TMPRSS11A: variants seen among roughly 807,000 people sequenced by gnomAD.
The protein encoded by TMPRSS11A is transmembrane serine protease 11A.
In TMPRSS11A, 53 loss-of-function variants were observed where a neutral mutation model predicts 58.9. The observed-to-expected ratio is 0.90, with a 90% confidence interval of 0.72 to 1.13. The LOEUF (loss-of-function observed/expected upper bound fraction) is 1.13, where lower values mean the gene tolerates loss of function less well. TMPRSS11A is among the 50% of genes most tolerant of loss of function. TMPRSS11A has a pLI of 0.00. For synonymous variants in TMPRSS11A, 167 were observed against 169.8 expected, an observed-to-expected ratio of 0.98 and a Z score of 0.13; for missense variants, 493 against 499.3, an observed-to-expected ratio of 0.99 and a Z score of 0.12.
At chr4:67,914,809 T>C in intron 8 of TMPRSS11A, 79 bp from the exon 9 acceptor site, 1 of 1,238,720 alleles carries the variant, frequency 8.1e-7, no homozygotes, top group Non-Finnish European at 1.1e-6. Flanking sequence ...TTTCCTAATA[T>C]TTTTTTCATG....
intron 1 of TMPRSS11A, among the ~76,000 whole-genome samples, chr4:67,947,381 G>A (rs149737358): frequency 5.9e-5 from 9 of 152,170 alleles, no homozygotes; most frequent in Admixed American, 3.9e-4. Flanking sequence ...TAATCTAAAA[G>A]AGTCCTGCTT....
chr4:67,958,564 T>C (rs778397680), intron 1 of TMPRSS11A, among the ~76,000 whole-genome samples: 1 of 152,236 alleles, frequency 6.6e-6, no homozygotes, highest in Non-Finnish European at 1.5e-5. Context: ...CCCTCTGTTG[T>C]ATCTAGGAAG....
At position 67,944,348 on chromosome 4, in the gene TMPRSS11A, T is replaced by C. The variant is rs1173789911; in HGVS notation, c.252+171A>G. Among the ~76,000 whole-genome samples, 6 of 152,116 alleles carry C rather than the reference T, an allele frequency of 3.9e-5. No individual in the cohort carries two copies. The East Asian group carries it at 1.2e-3, about 29-fold the overall frequency. On this transcript the variant is annotated intron_variant, in intron 3 of 9. Transcript: ENST00000508048. ...ATTCCCTTACTCTCCTCTCCCCACCTACCCATCTCATCATACTCTGATTAA... is the reference window on the plus strand; with the variant it reads ...ATTCCCTTACTCTCCTCTCCCCACCCACCCATCTCATCATACTCTGATTAA...
At position 67,942,607 on chromosome 4, in the gene TMPRSS11A, C is replaced by A. The variant is rs538663559; in HGVS notation, c.252+1912G>T. 7.9e-5 allele frequency among the ~76,000 whole-genome samples: 12 copies of A among 152,302 alleles called. No homozygotes were observed. The South Asian group carries it at 2.5e-3, about 32-fold the overall frequency. ...ACTAAGTGTTGGTTAGATGTGGGGA[C>A]ATAGAAATCCTCATGCATTGTAGAT... On this transcript the variant is annotated intron_variant, in intron 3 of 9. Transcript: ENST00000508048.
At chr4:67,941,081 A>C (rs1271123775) in intron 3 of TMPRSS11A, among the ~76,000 whole-genome samples, 2 of 152,166 alleles carry the variant, frequency 1.3e-5, no homozygotes, top group African/African-American at 2.4e-5. Context: ...CTGCTCCACT[A>C]TCTCAGGGAA....
At chr4:67,941,926 C>T (rs113619546) in intron 3 of TMPRSS11A, among the ~76,000 whole-genome samples, 7 of 152,082 alleles carry the variant, frequency 4.6e-5, no homozygotes, top group African/African-American at 1.7e-4. Flanking sequence ...CAACACGGTC[C>T]ATATTAGTAG....
chr4:67,958,717 G>A (rs1051067375), intron 1 of TMPRSS11A, among the ~76,000 whole-genome samples: 1 of 152,178 alleles, frequency 6.6e-6, no homozygotes, highest in Non-Finnish European at 1.5e-5. Flanking sequence ...GTTTTAAAAT[G>A]TGAGTACATG....
chr4:67,917,231 T>C (rs1720182942), intron 8 of TMPRSS11A, among the ~76,000 whole-genome samples: 1 of 152,118 alleles, frequency 6.6e-6, no homozygotes, highest in African/African-American at 2.4e-5. Flanking sequence ...TTTGATATCT[T>C]TCCTTATAAT....
chr4:67,939,209 G>A (rs952958726), intron 3 of TMPRSS11A, among the ~76,000 whole-genome samples: 1 of 151,908 alleles, frequency 6.6e-6, no homozygotes, highest in Admixed American at 6.6e-5. Flanking sequence ...TCTTGATTTG[G>A]TTCTCAGCTT....
At chr4:67,953,649 T>C (rs1209764346) in intron 1 of TMPRSS11A, among the ~76,000 whole-genome samples, 1 of 152,042 alleles carries the variant, frequency 6.6e-6, no homozygotes, top group African/African-American at 2.4e-5. Flanking sequence ...AAATACAAAA[T>C]TAGCTGAGTG....
At chr4:67,944,663 A>G (rs1720960022) in intron 2 of TMPRSS11A, 26 bp from the exon 3 acceptor site, 4 of 1,601,562 alleles carry the variant, frequency 2.5e-6, no homozygotes, top group African/African-American at 2.7e-5. Flanking sequence ...AAAATAGGAA[A>G]CTAAATGGTT....
rs1333862702 is a variant in TMPRSS11A, at chr4:67,924,160, C to A, written c.488G>T (p.Ser163Ile). ...GACAGTTAACTCCCCTGTTGATGAG[C>A]TCATTGCTGAAAAAGAAGATAAAAC... ...NASSVQVNAM[S>I]SSTGELTVQA... Residue 163 changes from serine to isoleucine, a missense_variant, in exon 6 of 10, where the codon AGC (serine) becomes ATC (isoleucine). Coordinates refer to ENST00000508048, the MANE Select transcript of TMPRSS11A (RefSeq NM_001114387.2). 1.2e-6 allele frequency: 2 copies of A among 1,613,320 alleles called. No homozygotes were observed. The highest frequency in any genetic ancestry group is 4.5e-5 in the East Asian group (2 of 44,782).
intron 1 of TMPRSS11A, among the ~76,000 whole-genome samples, chr4:67,961,819 C>G (rs976980812): frequency 2.0e-5 from 3 of 151,986 alleles, no homozygotes; most frequent in African/African-American, 7.2e-5. Context: ...AGCCTGTTTC[C>G]TTTATCAGCA....
chr4:67,918,987 G>A lies in TMPRSS11A; in HGVS notation c.938C>T (p.Ala313Val), dbSNP rs368463399. The A allele has an allele frequency of 1.9e-5, 31 of 1,614,108 alleles. No homozygotes were observed. In the South Asian group the frequency reaches 2.3e-4, roughly 12 times the overall value. ...NLTVHITGFG[A>V]LYYGGESQND... ...GAGATACCCACCACCATAGTAAAGTGCTCCAAATCCTGTGATGTGGACAGT... is the reference window on the plus strand; with the variant it reads ...GAGATACCCACCACCATAGTAAAGTACTCCAAATCCTGTGATGTGGACAGT... The change falls in exon 8 of 10, where the codon GCA (alanine) becomes GTA (valine). Residue 313 changes from alanine (A) to valine (V), a missense_variant. Physicochemically the swap from Ala to Val is moderately conservative, Grantham distance 64. Coordinates refer to ENST00000508048, the MANE Select transcript of TMPRSS11A (RefSeq NM_001114387.2).
chr4:67,931,071 C>T (rs1720604284), intron 4 of TMPRSS11A, among the ~76,000 whole-genome samples: 1 of 151,994 alleles, frequency 6.6e-6, no homozygotes, highest in Non-Finnish European at 1.5e-5. Context: ...AAGGAGTTCA[C>T]AGGAGTATAA....
intron 8 of TMPRSS11A, 28 bp downstream of exon 8, chr4:67,918,945 G>A (rs764346078): frequency 5.6e-6 from 9 of 1,612,372 alleles, no homozygotes; most frequent in South Asian, 2.2e-5. Context: ...AGGGCTTAGC[G>A]CTCTGTTAGC....
chr4:67,914,627 G>A lies in TMPRSS11A; in HGVS notation c.1056C>T (p.Phe352=). The A allele has an allele frequency of 6.2e-7, 1 of 1,613,596 alleles. No homozygotes were observed. The highest frequency in any genetic ancestry group is 8.5e-7 in the Non-Finnish European group (1 of 1,179,768). Residue 352 remains phenylalanine, a synonymous_variant, in exon 9 of 10, where the codon TTC becomes TTT. Coordinates refer to ENST00000508048, the MANE Select transcript of TMPRSS11A (RefSeq NM_001114387.2). The stretch of plus-strand genomic sequence containing the variant: ...AAATTCCTTCCATATATCCGGCACA[G>A]AACATTCCAGGTTTTATATCATTGC... The part of the protein sequence containing the change: ...VYGNDIKPGM[F]CAGYMEGIYD...
intron 1 of TMPRSS11A, among the ~76,000 whole-genome samples, chr4:67,953,339 A>C (rs1721208179): frequency 6.6e-6 from 1 of 152,008 alleles, no homozygotes; most frequent in Admixed American, 6.5e-5. Flanking sequence ...AAAGATGAGC[A>C]GCTTTTCTTA....
At chr4:67,918,623 G>A (rs964616942) in intron 8 of TMPRSS11A, among the ~76,000 whole-genome samples, 5 of 152,146 alleles carry the variant, frequency 3.3e-5, no homozygotes, top group African/African-American at 1.2e-4. Context: ...GACACTAGGT[G>A]AAGCTAGCAT....
Sources: gnomAD v4.1 joint callset for allele counts (sites outside exome capture counted in the v4.1 genomes callset) on GRCh38, gnomAD v4.1.1 for gene constraint, MANE v1.5 for transcripts, NCBI Gene and HGNC (gene_info 2026-07-23, HGNC 2026-07-21) for gene names.